OOEP: variants seen among roughly 807,000 people sequenced by gnomAD.
OOEP encodes oocyte-expressed protein homolog.
In OOEP, 16 loss-of-function variants were observed where a neutral mutation model predicts 13.7. That is an observed-to-expected ratio of 1.16 (90% confidence interval 0.79 to 1.77). The LOEUF is 1.77. OOEP is among the 40% of genes most tolerant of loss of function. OOEP has a pLI of 0.00. For missense variants in OOEP, 195 were observed against 193.1 expected (o/e 1.01, Z -0.06); for synonymous variants, 89 against 77.1 (o/e 1.15, Z -0.81).
chr6:73,371,448 C>G (rs1769052993), upstream of OOEP, among the ~76,000 whole-genome samples: 1 of 151,772 alleles, frequency 6.6e-6, no homozygotes, highest in African/African-American at 2.4e-5. Flanking sequence ...ACTAAAAATA[C>G]AAAAATTAGA....
chr6:73,382,523 G>C (rs1320523330), intron 2 of OOEP, among the ~76,000 whole-genome samples: 2 of 151,550 alleles, frequency 1.3e-5, no homozygotes, highest in African/African-American at 4.8e-5. Context: ...GCCACACCTG[G>C]CTAATTTTTA....
chr6:73,378,732 C>T (rs1033739279), intron 2 of OOEP, among the ~76,000 whole-genome samples: 78 of 151,874 alleles, frequency 5.1e-4, no homozygotes, highest in African/African-American at 1.9e-3. Context: ...AGCGTGGTGA[C>T]ATATGCCTGT....
intron 1 of OOEP, 103 bp downstream of exon 1, chr6:73,369,500 C>T: frequency 6.7e-7 from 1 of 1,501,496 alleles, no homozygotes; most frequent in Non-Finnish European, 9.1e-7. Context: ...CACTGCAACA[C>T]TCCTGGCTTG....
At chr6:73,390,881 C>A (rs527306583) in intron 2 of OOEP, among the ~76,000 whole-genome samples, 1 of 150,642 alleles carries the variant, frequency 6.6e-6, no homozygotes, top group Non-Finnish European at 1.5e-5. Context: ...GGATTACAGG[C>A]GTGAGCCACT....
chr6:73,369,337 A>G lies in OOEP; in HGVS notation c.239T>C (p.Leu80Pro). ...IPEMEWTSQA[L>P]LTVDIVDSGN... The stretch of plus-strand genomic sequence containing the variant: ...TGAGTCCACTATGTCCACTGTCAGC[A>G]GGGCCTGGCTCGTCCACTCCATTTC... The change falls in exon 2 of 3, where the codon CTG (leucine) becomes CCG (proline). Residue 80 changes from leucine to proline, a missense_variant. By Grantham distance (98) the Leu-to-Pro change is moderately conservative. Transcript: ENST00000370359. 1 of 1,613,868 alleles carries G rather than the reference A, an allele frequency of 6.2e-7. No homozygotes were observed. Among genetic ancestry groups the G allele is most frequent in the East Asian group, 2.2e-5 (1 of 44,886 alleles).
At chr6:73,370,267 T>C (rs969419703), upstream of OOEP, among the ~76,000 whole-genome samples, 7 of 152,236 alleles carry the variant, frequency 4.6e-5, no homozygotes, top group Non-Finnish European at 7.3e-5. Flanking sequence ...CAGTTTTCTC[T>C]GTTCTGCTCC....
At chr6:73,376,530 T>C (rs1481826687) in intron 2 of OOEP, among the ~76,000 whole-genome samples, 1 of 152,016 alleles carries the variant, frequency 6.6e-6, no homozygotes, top group Non-Finnish European at 1.5e-5. Context: ...TGGAGTGCAA[T>C]GGCAAGATCT....
intron 2 of OOEP, among the ~76,000 whole-genome samples, chr6:73,377,647 G>A (rs936741823): frequency 1.3e-5 from 2 of 152,100 alleles, no homozygotes; most frequent in African/African-American, 2.4e-5. Context: ...ATATTTTTAT[G>A]TATTTATTTA....
chr6:73,390,882 G>A lies in OOEP; in HGVS notation c.25+3464C>T, dbSNP rs1238685755. On this transcript the variant is annotated intron_variant, in intron 2 of 3. Transcript: ENST00000370363. Reference sequence around the variant, plus strand: ...CTCCCAAAGTGCTGGGATTACAGGCGTGAGCCACTGTGCCTTAAAGTATAA... The same window carrying A: ...CTCCCAAAGTGCTGGGATTACAGGCATGAGCCACTGTGCCTTAAAGTATAA... Among the ~76,000 whole-genome samples, 8 of 151,034 alleles carry A rather than the reference G, an allele frequency of 5.3e-5. No homozygotes were observed. In the East Asian group the frequency reaches 7.7e-4, roughly 15 times the overall value.
At chr6:73,373,925 A>G (rs1769098970), upstream of OOEP, among the ~76,000 whole-genome samples, 1 of 151,750 alleles carries the variant, frequency 6.6e-6, no homozygotes, top group Non-Finnish European at 1.5e-5. Context: ...TAAAATATAT[A>G]TACATGCCTG....
At chr6:73,388,651 G>T (rs1373226108) in intron 2 of OOEP, among the ~76,000 whole-genome samples, 1 of 152,196 alleles carries the variant, frequency 6.6e-6, no homozygotes, top group African/African-American at 2.4e-5. Context: ...CTCCACTTGG[G>T]TTCCCAAGTA....
chr6:73,379,733 C>A (rs1769177623), intron 2 of OOEP, among the ~76,000 whole-genome samples: 1 of 148,160 alleles, frequency 6.7e-6, no homozygotes, highest in Non-Finnish European at 1.5e-5. Flanking sequence ...TTTCTCATAT[C>A]TTTTTTTGTT....
rs533507847 is a variant in OOEP, at chr6:73,385,595, CT to C, written c.25+8750del. 5.6e-3 allele frequency among the ~76,000 whole-genome samples: 794 copies of C among 142,278 alleles called. 3 individuals carry two copies. Among genetic ancestry groups the C allele is most frequent in the African/African-American group, 0.014 (566 of 39,056 alleles). The allele number at this position is 142,278 out of a possible 152,430, so 93.3% of individuals were successfully genotyped here. A position where few individuals can be genotyped will look rare whatever the true frequency, so the allele number is the denominator to read the frequency against. ...CTTCCCCAGCCTAAATAAAAGCTCT[CT>C]TTTTTTTTTTTTTCGGAGTCTCACT... On this transcript the variant is annotated intron_variant, in intron 2 of 3. Coordinates refer to the OOEP transcript ENST00000370363.
intron 2 of OOEP, among the ~76,000 whole-genome samples, chr6:73,375,212 C>T (rs1160510133): frequency 2.0e-5 from 3 of 152,134 alleles, no homozygotes; most frequent in African/African-American, 7.2e-5. Context: ...GCTTTCTAAC[C>T]ATTTCTAGAA....
upstream of OOEP, chr6:73,373,094 T>A (rs1769085576): frequency 1.9e-6 from 3 of 1,586,828 alleles, no homozygotes; most frequent in South Asian, 3.3e-5. Flanking sequence ...GTGTGCCATC[T>A]CATGTGCAAT....
At chr6:73,373,398 C>A, upstream of OOEP, 1 of 860,868 alleles carries the variant, frequency 1.2e-6, no homozygotes, top group South Asian at 1.5e-5. Context: ...GATCTCAGCT[C>A]ACTGGGTAGC....
intron 2 of OOEP, among the ~76,000 whole-genome samples, chr6:73,394,058 G>A (rs973223451): frequency 2.6e-5 from 4 of 152,114 alleles, no homozygotes. Flanking sequence ...TACATTTTGT[G>A]AGCCGAGTGC....
intron 2 of OOEP, among the ~76,000 whole-genome samples, chr6:73,386,831 G>A (rs1769278694): frequency 6.6e-6 from 1 of 151,626 alleles, no homozygotes; most frequent in Non-Finnish European, 1.5e-5. Flanking sequence ...AGCCAGGCAT[G>A]GTGGCAGGCG....
upstream of OOEP, chr6:73,369,989 C>G (rs571594492): frequency 1.7e-6 from 1 of 582,234 alleles, no homozygotes; most frequent in South Asian, 2.1e-5. Flanking sequence ...TCCTGCGCTG[C>G]TTCAATCGCC....
Sources: allele counts gnomAD v4.1 joint callset (sites outside exome capture counted in the v4.1 genomes callset), GRCh38; gene constraint gnomAD v4.1.1; transcripts MANE v1.5; gene names NCBI Gene and HGNC (gene_info 2026-07-23, HGNC 2026-07-21).